DLG2: variants seen among roughly 807,000 people sequenced by gnomAD.
DLG2 encodes the protein disks large homolog 2.
In DLG2, 45 loss-of-function variants were observed where a neutral mutation model predicts 132.5. The ratio of observed to expected loss-of-function variants is 0.34; its 90% CI spans 0.27 to 0.44. The LOEUF is 0.44. Ranked by LOEUF, DLG2 falls within the 20% of genes least tolerant of loss-of-function variation. The pLI, the probability that DLG2 is intolerant of heterozygous loss-of-function variation, is 1.00. For synonymous variants in DLG2, 424 were observed against 419.6 expected, an observed-to-expected ratio of 1.01 and a Z score of -0.13; for missense variants, 1,045 against 1,196.9, an observed-to-expected ratio of 0.87 and a Z score of 1.87.
At chr11:85,431,719 G>T (rs2091197030) in intron 3 of DLG2, among the ~76,000 whole-genome samples, 1 of 152,244 alleles carries the variant, frequency 6.6e-6, no homozygotes, top group Admixed American at 6.5e-5. Flanking sequence ...TGAACCAGCA[G>T]ACATAGTCTT....
intron 19 of DLG2, among the ~76,000 whole-genome samples, chr11:83,562,467 C>T (rs894799450): frequency 4.6e-5 from 7 of 151,926 alleles, no homozygotes; most frequent in Non-Finnish European, 1.0e-4. Flanking sequence ...TGGTGATGAT[C>T]CTAGTACAGG....
intron 18 of DLG2, among the ~76,000 whole-genome samples, chr11:83,756,986 C>G (rs1226065): frequency 6.6e-6 from 1 of 152,124 alleles, no homozygotes; most frequent in African/African-American, 2.4e-5. Context: ...GTATATTAAA[C>G]AAACATACAC....
chr11:84,648,333 T>C (rs1014440532), intron 6 of DLG2, among the ~76,000 whole-genome samples: 3 of 152,160 alleles, frequency 2.0e-5, no homozygotes, highest in Non-Finnish European at 4.4e-5. Flanking sequence ...GCACCTGCAT[T>C]CTAGGGTGTT....
intron 8 of DLG2, among the ~76,000 whole-genome samples, chr11:84,202,840 G>C (rs2096614494): frequency 6.6e-6 from 1 of 152,030 alleles, no homozygotes; most frequent in South Asian, 2.1e-4. Flanking sequence ...GACATCACGT[G>C]GCCAACAAAC....
chr11:84,898,969 A>G (rs932102135), intron 6 of DLG2, among the ~76,000 whole-genome samples: 1 of 152,032 alleles, frequency 6.6e-6, no homozygotes, highest in Admixed American at 6.6e-5. Context: ...TTGAAAGGTG[A>G]GATTGAATTT....
At chr11:83,819,078 T>C (rs1396017509) in intron 17 of DLG2, among the ~76,000 whole-genome samples, 1 of 151,950 alleles carries the variant, frequency 6.6e-6, no homozygotes, top group African/African-American at 2.4e-5. Context: ...AATTACAGAG[T>C]CTACTGACTC....
intron 5 of DLG2, among the ~76,000 whole-genome samples, chr11:85,137,571 T>A (rs931105428): frequency 2.6e-5 from 4 of 152,116 alleles, no homozygotes; most frequent in African/African-American, 9.7e-5. Context: ...TCCATGCAGA[T>A]GAACTATAAA....
chr11:84,625,435 T>C (rs1565488516), intron 6 of DLG2, among the ~76,000 whole-genome samples: 1 of 152,208 alleles, frequency 6.6e-6, no homozygotes, highest in Non-Finnish European at 1.5e-5. Context: ...ATAATTATGT[T>C]ATTTCTCTAC....
At chr11:83,645,753 A>G (rs780326867) in intron 18 of DLG2, 2 of 152,154 alleles carry the variant, frequency 1.3e-5, no homozygotes, top group Non-Finnish European at 2.9e-5. Context: ...AATTATTTGC[A>G]GTTTGTACAA....
rs532029641 is a variant in DLG2 at position 84,826,985 on chromosome 11, T to G, written c.357+284676A>C. Among the ~76,000 whole-genome samples, 363 of 151,984 alleles carry G rather than the reference T, an allele frequency of 2.4e-3. 3 individuals carry two copies. The highest frequency in any genetic ancestry group is 8.4e-3 in the African/African-American group (350 of 41,528). ...TTTTTCTGTGTGACAGGGGAGAGAC[T>G]GGATTGAAGAGTATTAACAAAACTC... On this transcript the variant is annotated intron_variant, in intron 6 of 27. Coordinates refer to ENST00000376104, the MANE Select transcript of DLG2 (RefSeq NM_001142699.3).
chr11:84,727,312 T>C (rs544343704), intron 6 of DLG2, among the ~76,000 whole-genome samples: 5 of 152,332 alleles, frequency 3.3e-5, no homozygotes, highest in Admixed American at 1.3e-4. Context: ...TTTCTGCATA[T>C]GGCTTGCCAG....
intron 7 of DLG2, among the ~76,000 whole-genome samples, chr11:84,296,831 C>T (rs1166802317): frequency 6.6e-6 from 1 of 152,130 alleles, no homozygotes; most frequent in East Asian, 1.9e-4. Context: ...ATTTCCTTCT[C>T]AGCATTCCCC....
intron 7 of DLG2, among the ~76,000 whole-genome samples, chr11:84,387,160 C>G (rs573839072): frequency 3.3e-5 from 5 of 151,926 alleles, no homozygotes; most frequent in African/African-American, 1.2e-4. Flanking sequence ...GGGCAGCGTC[C>G]CCAGGCTTCC....
chr11:83,835,107 G>A (rs780856701), intron 16 of DLG2, among the ~76,000 whole-genome samples: 32 of 152,320 alleles, frequency 2.1e-4, no homozygotes, highest in Middle Eastern at 3.4e-3. Context: ...AATAAATTAT[G>A]TAACAATGCA....
Position 84,928,996 on chromosome 11 carries a change from A to G in DLG2, c.357+182665T>C, listed in dbSNP as rs1357147312. 4.7e-3 allele frequency among the ~76,000 whole-genome samples: 572 copies of G among 122,572 alleles called. 6 individuals are homozygous for G. The highest frequency in any genetic ancestry group is 0.014 in the African/African-American group (428 of 31,502). 80.4% of individuals were successfully genotyped at this position (122,572 alleles called of 152,430 possible). A position where few individuals can be genotyped will look rare whatever the true frequency, so the allele number is the denominator to read the frequency against. On this transcript the variant is annotated intron_variant, in intron 6 of 27. Coordinates refer to ENST00000376104, the MANE Select transcript of DLG2 (RefSeq NM_001142699.3). ...TGTGTGTGTGTGTATATATATATAT[A>G]TATATATATATATATATATATATAT...
At chr11:84,410,088 T>C (rs1185637420) in intron 7 of DLG2, among the ~76,000 whole-genome samples, 1 of 152,242 alleles carries the variant, frequency 6.6e-6, no homozygotes, top group Admixed American at 6.5e-5. Flanking sequence ...AGCTAATTAC[T>C]GACTGAACCC....
chr11:85,000,532 T>G (rs2058116909), intron 6 of DLG2, among the ~76,000 whole-genome samples: 1 of 152,168 alleles, frequency 6.6e-6, no homozygotes, highest in Non-Finnish European at 1.5e-5. Flanking sequence ...ATACTTGATT[T>G]ACATGTTTCT....
intron 7 of DLG2, among the ~76,000 whole-genome samples, chr11:84,474,878 C>T (rs1304000614): frequency 6.6e-6 from 1 of 151,976 alleles, no homozygotes; most frequent in Admixed American, 6.6e-5. Context: ...AACTTCTAAC[C>T]AAACACTTGC....
intron 3 of DLG2, among the ~76,000 whole-genome samples, chr11:85,572,965 A>G (rs2077934012): frequency 6.6e-6 from 1 of 152,214 alleles, no homozygotes; most frequent in South Asian, 2.1e-4. Context: ...GGCCTGGGCC[A>G]TTCCCTTGGT....
Sources: allele counts gnomAD v4.1 joint callset (sites outside exome capture counted in the v4.1 genomes callset), GRCh38; gene constraint gnomAD v4.1.1; transcripts MANE v1.5; gene names NCBI Gene and HGNC (gene_info 2026-07-23, HGNC 2026-07-21).